ASCC3: variants seen among roughly 807,000 people sequenced by gnomAD.
ASCC3 encodes activating signal cointegrator 1 complex subunit 3.
In ASCC3, 158 loss-of-function variants were observed where a neutral mutation model predicts 256.3. That is an observed-to-expected ratio of 0.62 (90% CI 0.54 to 0.70). The LOEUF (loss-of-function observed/expected upper bound fraction) is 0.70. Among genes scored for constraint, ASCC3 ranks in the 30% least tolerant of loss-of-function variants. The pLI is 0.00. For synonymous variants in ASCC3, 948 were observed against 883.4 expected, an observed-to-expected ratio of 1.07 and a Z score of -1.30; for missense variants, 2,259 against 2,626.0, an observed-to-expected ratio of 0.86 and a Z score of 3.05.
At chr6:100,846,756 C>G (rs937960461) in intron 4 of ASCC3, among the ~76,000 whole-genome samples, 3 of 152,128 alleles carry the variant, frequency 2.0e-5, no homozygotes, top group Non-Finnish European at 4.4e-5. Flanking sequence ...CAAGCTTAAC[C>G]TTCTCTATGC....
At chr6:100,727,673 CAACAACAAA>C (rs1309373866) in intron 10 of ASCC3, among the ~76,000 whole-genome samples, 121 of 149,150 alleles carry the variant, frequency 8.1e-4, no homozygotes, top group Non-Finnish European at 1.4e-3. Context: ...ACAACAACAA[CAACAACAAA>C]AAAGGGTCTA....
intron 4 of ASCC3, among the ~76,000 whole-genome samples, chr6:100,829,378 G>A (rs1771503048): frequency 1.3e-5 from 2 of 152,008 alleles, no homozygotes; most frequent in Non-Finnish European, 2.9e-5. Flanking sequence ...CCTGCCCCGT[G>A]GGAAGGCAGC....
chr6:100,600,204 T>TTCAC (rs1772528706), intron 34 of ASCC3, among the ~76,000 whole-genome samples: 1 of 98,008 alleles, frequency 1.0e-5, no homozygotes, highest in African/African-American at 4.2e-5. Flanking sequence ...CACATGCACA[T>TTCAC]GCACACACAC....
At chr6:100,681,009 G>A (rs534890129) in intron 13 of ASCC3, among the ~76,000 whole-genome samples, 1 of 152,192 alleles carries the variant, frequency 6.6e-6, no homozygotes, top group Non-Finnish European at 1.5e-5. Flanking sequence ...GACCAGAAAG[G>A]AGACAGGGTG....
chr6:100,757,455 G>C (rs1781232902), intron 10 of ASCC3, among the ~76,000 whole-genome samples: 1 of 149,410 alleles, frequency 6.7e-6, no homozygotes, highest in East Asian at 1.9e-4. Flanking sequence ...AAAATCCAGA[G>C]AGACTTAAGA....
At chr6:100,781,506 C>T (rs1471399357) in intron 8 of ASCC3, among the ~76,000 whole-genome samples, 1 of 151,654 alleles carries the variant, frequency 6.6e-6, no homozygotes, top group Non-Finnish European at 1.5e-5. Flanking sequence ...GCCTCAGCCT[C>T]CTGAGTAGCT....
intron 10 of ASCC3, among the ~76,000 whole-genome samples, chr6:100,734,780 G>T (rs1780070927): frequency 1.3e-5 from 2 of 152,180 alleles, no homozygotes; most frequent in Admixed American, 6.5e-5. Context: ...AAGCAAGGTA[G>T]TAGCCCAAAG....
intron 10 of ASCC3, among the ~76,000 whole-genome samples, chr6:100,760,462 A>G (rs1242639246): frequency 6.6e-6 from 1 of 152,196 alleles, no homozygotes; most frequent in Non-Finnish European, 1.5e-5. Flanking sequence ...CAAGCCTTGC[A>G]TCCCAGGGAT....
chr6:100,750,077 C>T (rs1336244), intron 10 of ASCC3, among the ~76,000 whole-genome samples: 73,051 of 151,286 alleles, frequency 0.48, 17,654 homozygotes, highest in South Asian at 0.68. Context: ...TTGACAAAAA[C>T]TGCCTGGAAA....
intron 4 of ASCC3, among the ~76,000 whole-genome samples, chr6:100,844,603 T>C (rs1562338322): frequency 6.6e-6 from 1 of 152,076 alleles, no homozygotes; most frequent in Non-Finnish European, 1.5e-5. Flanking sequence ...AATGCACTTC[T>C]AAAAGTGAAT....
Position 100,718,170 on chromosome 6 carries a change from G to C in ASCC3, c.1984C>G (p.His662Asp), listed in dbSNP as rs551921410. The C allele has an allele frequency of 6.2e-7, 1 of 1,613,674 alleles. No individual in the cohort carries two copies. Among genetic ancestry groups the C allele is most frequent in the South Asian group, 1.1e-5 (1 of 91,066 alleles). ...AAAAGTCCAATGTATGGATTAACAT[G>C]TAAAAATGTGGCAACATCGAGGTAG... ...PNYLDVATFL[H>D]VNPYIGLFFF... The change falls in exon 12 of 42, where the codon CAT becomes GAT. Residue 662 changes from histidine (H) to aspartate (D), a missense_variant. By Grantham distance (81) the His-to-Asp change is moderately conservative. Around this residue, in one of 2 missense-constraint regions of ASCC3, gnomAD observed 1,839 missense variants for 2,206.7 expected, o/e 0.83. Coordinates refer to ENST00000369162, the MANE Select transcript of ASCC3 (RefSeq NM_006828.4).
chr6:100,815,152 T>C (rs974078106), intron 4 of ASCC3, among the ~76,000 whole-genome samples: 3 of 152,132 alleles, frequency 2.0e-5, no homozygotes, highest in African/African-American at 7.2e-5. Flanking sequence ...AAATCGGGAA[T>C]GTAATCCCAC....
chr6:100,683,472 C>CT (rs777256288), intron 13 of ASCC3, among the ~76,000 whole-genome samples: 22 of 149,700 alleles, frequency 1.5e-4, no homozygotes, highest in African/African-American at 4.1e-4. Flanking sequence ...AAAATAAACC[C>CT]TTTTTTTTAA....
chr6:100,702,453 C>G (rs13200305), intron 13 of ASCC3, among the ~76,000 whole-genome samples: 1 of 151,852 alleles, frequency 6.6e-6, no homozygotes, highest in African/African-American at 2.4e-5. Context: ...TTTGAGACAC[C>G]CAAGAGAAAA....
intron 20 of ASCC3, 105 bp from the exon 21 acceptor site, chr6:100,647,556 T>C (rs1363155552): frequency 1.0e-6 from 1 of 963,146 alleles, no homozygotes; most frequent in East Asian, 2.6e-5. Context: ...CAAGTCAAGC[T>C]GCATCCTTGA....
At chr6:100,615,650 T>C (rs1773633659) in intron 30 of ASCC3, among the ~76,000 whole-genome samples, 1 of 152,244 alleles carries the variant, frequency 6.6e-6, no homozygotes, top group Non-Finnish European at 1.5e-5. Context: ...ACTACTATTA[T>C]GCTTAGCAAT....
chr6:100,796,304 CATGCAGTTGCAATATGACCCAGCAA>C (rs1419482471), intron 8 of ASCC3, among the ~76,000 whole-genome samples: 1 of 152,130 alleles, frequency 6.6e-6, no homozygotes, highest in African/African-American at 2.4e-5. Context: ...AACACCTAAG[CATGCAGTTGCAATATGACCCAGCAA>C]ATGCATTCCT....
Position 100,696,208 on chromosome 6 carries a change from T to C in ASCC3, c.2152-16456A>G, listed in dbSNP as rs569966659. ...ATTAAATATAGACACATAATTTTTC[T>C]TTCCATCCCCTCTCACTTAAATATG... On this transcript the variant is annotated intron_variant, in intron 13 of 41. Transcript: ENST00000369162. 5.9e-5 allele frequency among the ~76,000 whole-genome samples: 9 copies of C among 152,282 alleles called. No homozygotes were observed. The South Asian group carries it at 1.9e-3, about 32-fold the overall frequency.
chr6:100,538,424 T>A (rs2114659307), intron 37 of ASCC3, among the ~76,000 whole-genome samples: 1 of 152,292 alleles, frequency 6.6e-6, no homozygotes, highest in East Asian at 1.9e-4. Flanking sequence ...CCAATTTTGA[T>A]AACTTGAGCT....
Sources: allele counts gnomAD v4.1 joint callset (sites outside exome capture counted in the v4.1 genomes callset), GRCh38; gene constraint gnomAD v4.1.1; regional missense constraint gnomAD v4.1.1; transcripts MANE v1.5; gene names NCBI Gene and HGNC (gene_info 2026-07-23, HGNC 2026-07-21).